Variants in SMAD2 observed in about 807,000 individuals in gnomAD.
The protein encoded by SMAD2 is MAD homolog 2.
Under a neutral mutation model 64.4 loss-of-function variants are expected in SMAD2, and 8 were observed. That is an observed-to-expected ratio of 0.12 (90% CI 0.07 to 0.22). The LOEUF (loss-of-function observed/expected upper bound fraction) is 0.22, where lower values mean the gene tolerates loss of function less well. Among genes scored for constraint, SMAD2 ranks in the 10% least tolerant of loss-of-function variants. The pLI is 1.00. For missense variants in SMAD2, 289 were observed against 561.2 expected (o/e 0.51, Z 4.90); for synonymous variants, 203 against 195.8 (o/e 1.04, Z -0.31).
intron 5 of SMAD2, among the ~76,000 whole-genome samples, chr18:47,865,367 AT>A (rs1350464652): frequency 1.3e-5 from 2 of 152,206 alleles, no homozygotes. Context: ...CATACACATT[AT>A]GTACGTATCT....
rs773283639 is a variant in SMAD2, at chr18:47,869,226, A to G, written c.520+17T>C. 2 of 1,597,940 alleles carry G rather than the reference A, an allele frequency of 1.3e-6. No homozygotes were observed. The highest frequency in any genetic ancestry group is 1.7e-6 in the Non-Finnish European group (2 of 1,165,872). On this transcript the variant is annotated intron_variant, in intron 4 of 10. Transcript: ENST00000262160. ...CATTTAATTCAAAACCAAGAAAAAA[A>G]CTTGCAATATTCCTACCTGGTGTCT...
chr18:47,896,680 C>T lies in SMAD2; in HGVS notation c.77G>A (p.Gly26Glu). Residue 26 changes from glycine to glutamate, a missense_variant, in exon 2 of 11, where the codon GGA (glycine) becomes GAA (glutamate). Coordinates refer to ENST00000262160, the MANE Select transcript of SMAD2 (RefSeq NM_005901.6). ...ATTCTGCTCTCCTCCGCCTGCTCCT[C>T]CAGACCCACCAGCTGACTTCTTCCA... is the stretch of plus-strand genomic sequence containing the variant. Reference protein sequence around the residue: ...LGWKKSAGGSGGAGGGEQNGQ... With the variant: ...LGWKKSAGGSEGAGGGEQNGQ... The T allele has an allele frequency of 6.2e-7, 1 of 1,614,160 alleles. No homozygotes were observed. The highest frequency in any genetic ancestry group is 8.5e-7 in the Non-Finnish European group (1 of 1,180,030).
intron 2 of SMAD2, among the ~76,000 whole-genome samples, chr18:47,882,891 TAA>T (rs572728268): frequency 2.2e-4 from 33 of 152,338 alleles, no homozygotes; most frequent in African/African-American, 6.5e-4. Flanking sequence ...TTTAATGGCA[TAA>T]AATTGTTTAT....
At position 47,819,141 on chromosome 18, in the gene SMAD2, A is replaced by G. The variant is rs1840076541; in HGVS notation, c.*22686T>C. On this transcript the variant is annotated 3_prime_UTR_variant, in exon 11 of 11. Coordinates refer to ENST00000262160, the MANE Select transcript of SMAD2 (RefSeq NM_005901.6). ...TTAACACAAGTGCCTTTTAGTTAAT[A>G]TAACTTAAACATCTGATAAGCTGGT... 1 of 152,262 alleles carries G rather than the reference A, an allele frequency of 6.6e-6. No individual in the cohort carries two copies. Among genetic ancestry groups the G allele is most frequent in the African/African-American group, 2.4e-5 (1 of 41,482 alleles). The allele number at this position is 152,262 out of a possible 1,614,324, so 9.4% of individuals were successfully genotyped here. A position where few individuals can be genotyped will look rare whatever the true frequency, so the allele number is the denominator to read the frequency against.
rs1435306462 is a variant in SMAD2 at position 47,828,896 on chromosome 18, C to T, written c.*12931G>A. On this transcript the variant is annotated 3_prime_UTR_variant, in exon 11 of 11. Transcript: ENST00000262160. ...TATTGTCCTATGACCCTGCCACATC[C>T]CCCTCTCCGAGAAACACCCAAGAAT... 1.4e-5 allele frequency: 2 copies of T among 147,818 alleles called. No homozygotes were observed. Among genetic ancestry groups the T allele is most frequent in the Non-Finnish European group, 3.0e-5 (2 of 67,598 alleles). The allele number at this position is 147,818 out of a possible 1,614,324, so 9.2% of individuals were successfully genotyped here. A position where few individuals can be genotyped will look rare whatever the true frequency, so the allele number is the denominator to read the frequency against.
chr18:47,920,478 T>G (rs751378929), intron 1 of SMAD2, among the ~76,000 whole-genome samples: 35 of 152,202 alleles, frequency 2.3e-4, no homozygotes, highest in Middle Eastern at 3.2e-3. Context: ...AAGAGCTCAA[T>G]AGCCACATGG....
At chr18:47,852,197 G>C (rs921416912) in intron 6 of SMAD2, among the ~76,000 whole-genome samples, 2 of 152,236 alleles carry the variant, frequency 1.3e-5, no homozygotes, top group East Asian at 3.9e-4. Flanking sequence ...AGGGATGTAA[G>C]TCTTCTTATG....
chr18:47,902,518 G>T (rs1482473578), intron 1 of SMAD2, among the ~76,000 whole-genome samples: 4 of 152,146 alleles, frequency 2.6e-5, no homozygotes, highest in Non-Finnish European at 4.4e-5. Context: ...CAGAGATGGA[G>T]AGTTAAGATT....
chr18:47,846,565 G>A (rs57673669), intron 8 of SMAD2, among the ~76,000 whole-genome samples: 5,121 of 152,144 alleles, frequency 0.034, 291 homozygotes, highest in African/African-American at 0.12. Flanking sequence ...ACTGTCATAG[G>A]CTAAGTGATT....
rs368541611 is a variant in SMAD2 at position 47,869,327 on chromosome 18, T to C, written c.436A>G (p.Ile146Val). 1.9e-6 allele frequency: 3 copies of C among 1,613,662 alleles called. No homozygotes were observed. The highest frequency in any genetic ancestry group is 1.3e-5 in the African/African-American group (1 of 75,026). ...TTAAAAGCATATTCGCAGTTTTCAA[T>C]TGCCTTGAGTTCATGATGACTGTGA... is the stretch of plus-strand genomic sequence containing the variant. ...DLHSHHELKA[I>V]ENCEYAFNLK... Residue 146 changes from isoleucine (I) to valine (V), a missense_variant, in exon 4 of 11, where the codon ATT (isoleucine) becomes GTT (valine). By Grantham distance (29) the Ile-to-Val change is conservative (BLOSUM62 3). This residue lies in a region of SMAD2 where 119 missense variants were observed against 156.7 expected (regional missense o/e 0.76). Transcript: ENST00000262160.
chr18:47,898,888 T>A (rs1334009103), intron 1 of SMAD2, among the ~76,000 whole-genome samples: 1 of 26,778 alleles, frequency 3.7e-5, no homozygotes, highest in Non-Finnish European at 7.2e-5. Flanking sequence ...CATTCAACAA[T>A]TTTTTTTTTT....
chr18:47,841,478 A>C lies in SMAD2; in HGVS notation c.*349T>G, dbSNP rs1300896190. On this transcript the variant is annotated 3_prime_UTR_variant, in exon 11 of 11. Coordinates refer to ENST00000262160, the MANE Select transcript of SMAD2 (RefSeq NM_005901.6). ...ATCTATGCAAACTAAAAATGTATATAAACAGCACAATACTGTGATACTGGA... is the reference window on the plus strand; with the variant it reads ...ATCTATGCAAACTAAAAATGTATATCAACAGCACAATACTGTGATACTGGA... 1.5e-5 allele frequency: 6 copies of C among 398,880 alleles called. No homozygotes were observed. The highest frequency in any genetic ancestry group is 3.1e-5 in the South Asian group (1 of 32,364). 24.7% of individuals were successfully genotyped at this position (398,880 alleles called of 1,614,324 possible). A position where few individuals can be genotyped will look rare whatever the true frequency, so the allele number is the denominator to read the frequency against.
Position 47,834,112 on chromosome 18 carries a change from C to T in SMAD2, c.*7715G>A, listed in dbSNP as rs1913181007. ...CAAAGTACTAAATGACTGGATGGCACATATCCCAATAAGTATCAGAAATGT... is the reference window on the plus strand; with the variant it reads ...CAAAGTACTAAATGACTGGATGGCATATATCCCAATAAGTATCAGAAATGT... On this transcript the variant is annotated 3_prime_UTR_variant, in exon 11 of 11. Coordinates refer to ENST00000262160, the MANE Select transcript of SMAD2 (RefSeq NM_005901.6). 4.7e-6 allele frequency: 1 copy of T among 214,236 alleles called. No homozygotes were observed. Among genetic ancestry groups the T allele is most frequent in the Non-Finnish European group, 9.4e-6 (1 of 106,304 alleles). 13.3% of individuals were successfully genotyped at this position (214,236 alleles called of 1,614,324 possible). A position where few individuals can be genotyped will look rare whatever the true frequency, so the allele number is the denominator to read the frequency against.
At chr18:47,903,120 G>A (rs2033753510) in intron 1 of SMAD2, among the ~76,000 whole-genome samples, 2 of 152,054 alleles carry the variant, frequency 1.3e-5, no homozygotes, top group South Asian at 2.1e-4. Flanking sequence ...TGGGGGGAGG[G>A]ACAGGCAAGA....
chr18:47,901,353 A>G lies in SMAD2; in HGVS notation c.-53-4544T>C, dbSNP rs534539359. ...TTCCTTCAGTTAGCATTTGGATGGT[A>G]TACCTTTTCGCATCATTTTCTCTCA... On this transcript the variant is annotated intron_variant, in intron 1 of 10. Transcript: ENST00000262160. Among the ~76,000 whole-genome samples the G allele has an allele frequency of 5.3e-5, 8 of 152,250 alleles. No individual in the cohort carries two copies. In the South Asian group the frequency reaches 1.7e-3, roughly 32 times the overall value.
intron 1 of SMAD2, among the ~76,000 whole-genome samples, chr18:47,900,625 CTT>C (rs571171459): frequency 1.3e-5 from 2 of 152,110 alleles, no homozygotes; most frequent in South Asian, 2.1e-4. Context: ...AATTTCTGCT[CTT>C]GTCTTCATTA....
At position 47,908,108 on chromosome 18, in the gene SMAD2, A is replaced by G. The variant is rs148385081; in HGVS notation, c.-53-11299T>C. On this transcript the variant is annotated intron_variant, in intron 1 of 10. Coordinates refer to ENST00000262160, the MANE Select transcript of SMAD2 (RefSeq NM_005901.6). ...CAAAAGCTTCAACATGCCAATGCAC[A>G]TTACAAATTTCAGAAGGGAGGAGGT... Among the ~76,000 whole-genome samples the G allele has an allele frequency of 8.3e-4, 127 of 152,376 alleles. 1 individual carries two copies. In the East Asian group the frequency reaches 0.022, roughly 26 times the overall value.
intron 6 of SMAD2, among the ~76,000 whole-genome samples, chr18:47,862,384 T>C (rs1269438406): frequency 6.6e-6 from 1 of 152,204 alleles, no homozygotes; most frequent in African/African-American, 2.4e-5. Flanking sequence ...AGACAAGGTG[T>C]CAGCAAAGCC....
intron 2 of SMAD2, among the ~76,000 whole-genome samples, chr18:47,887,906 G>A (rs1262591340): frequency 2.6e-5 from 4 of 152,070 alleles, no homozygotes; most frequent in Non-Finnish European, 5.9e-5. Context: ...TTTCACTATG[G>A]GGTCCTTCTC....
Sources: allele counts gnomAD v4.1 joint callset (sites outside exome capture counted in the v4.1 genomes callset), GRCh38; gene constraint gnomAD v4.1.1; regional missense constraint gnomAD v4.1.1; transcripts MANE v1.5; gene names NCBI Gene and HGNC (gene_info 2026-07-23, HGNC 2026-07-21).